Variants in PRKAG2 observed in about 807,000 individuals in gnomAD.
The protein encoded by PRKAG2 is protein kinase AMP-activated non-catalytic subunit gamma 2, also known as 5'-AMP-activated protein kinase subunit gamma-2.
Under a neutral mutation model 69.6 loss-of-function variants are expected in PRKAG2, and 26 were observed. The observed-to-expected ratio is 0.37, with a 90% CI of 0.27 to 0.52. PRKAG2 has a LOEUF of 0.52. Among genes scored for constraint, PRKAG2 ranks in the 20% least tolerant of loss-of-function variants. The probability of loss-of-function intolerance (pLI) is 0.90; values close to 1 mark genes in which losing one functional copy is unlikely to be tolerated. For missense variants in PRKAG2, 557 were observed against 740.0 expected, an observed-to-expected ratio of 0.75 and a Z score of 2.87; for synonymous variants, 293 against 285.0, an observed-to-expected ratio of 1.03 and a Z score of -0.28.
chr7:151,771,694 T>C lies in PRKAG2; in HGVS notation c.466+9458A>G, dbSNP rs1183673495. ...ATTAGTCCTCCATCAATTCATCATC[T>C]CCTTCTGGTCTAGCACGTGTTTTTC... On this transcript the variant is annotated intron_variant, in intron 3 of 15. Transcript: ENST00000287878. The surrounding 1 kb of genome is among the most constrained non-coding windows in gnomAD (Gnocchi z 4.0). 5.9e-5 allele frequency among the ~76,000 whole-genome samples: 9 copies of C among 152,228 alleles called. No individual in the cohort carries two copies. The highest frequency in any genetic ancestry group is 1.9e-4 in the African/African-American group (8 of 41,454).
chr7:151,560,424 G>T (rs1199848158), intron 15 of PRKAG2, 100 bp downstream of exon 15: 1 of 1,609,326 alleles, frequency 6.2e-7, no homozygotes, highest in Non-Finnish European at 8.5e-7. Context: ...GCCTTGATCT[G>T]TAGGTGGGTG....
chr7:151,627,763 G>A (rs1486439055), intron 5 of PRKAG2, among the ~76,000 whole-genome samples: 1 of 152,148 alleles, frequency 6.6e-6, no homozygotes, highest in Admixed American at 6.5e-5. Flanking sequence ...CATGCGCTCG[G>A]GTGATCCTCC....
At chr7:151,689,116 C>G (rs1275400049) in intron 3 of PRKAG2, among the ~76,000 whole-genome samples, 1 of 152,236 alleles carries the variant, frequency 6.6e-6, no homozygotes, top group Admixed American at 6.5e-5. Flanking sequence ...AGAGCATAGT[C>G]GTTTTTAAAA....
chr7:151,842,983 T>C, intron 1 of PRKAG2, among the ~76,000 whole-genome samples: 1 of 152,038 alleles, frequency 6.6e-6, no homozygotes, highest in Middle Eastern at 3.2e-3. Flanking sequence ...AGGCTCCATC[T>C]GAGTTCAAGA....
intron 4 of PRKAG2, among the ~76,000 whole-genome samples, chr7:151,655,123 T>G (rs1384357793): frequency 1.3e-5 from 2 of 152,222 alleles, no homozygotes; most frequent in African/African-American, 4.8e-5. Flanking sequence ...TTTTTTTACT[T>G]GTTATTTCTT....
At chr7:151,820,433 A>AC (rs1422037230) in intron 1 of PRKAG2, among the ~76,000 whole-genome samples, 9 of 128,610 alleles carry the variant, frequency 7.0e-5, no homozygotes, top group African/African-American at 2.8e-4. Context: ...CTCTACTCGG[A>AC]ACACCGCTCC....
At chr7:151,573,112 C>CA (rs545715791) in intron 8 of PRKAG2, among the ~76,000 whole-genome samples, 257 of 144,078 alleles carry the variant, frequency 1.8e-3, no homozygotes, top group Non-Finnish European at 3.0e-3. Context: ...GACTCTGTCT[C>CA]AAAAAAAAGA....
chr7:151,565,937 T>C (rs368950596), intron 11 of PRKAG2, 52 bp from the exon 12 acceptor site: 1,674 of 1,556,544 alleles, frequency 1.1e-3, no homozygotes, highest in Non-Finnish European at 1.4e-3. Context: ...ACTCTTGTCA[T>C]GTTCAAAGGT....
intron 5 of PRKAG2, among the ~76,000 whole-genome samples, chr7:151,624,501 TC>T (rs929928985): frequency 3.9e-5 from 6 of 152,098 alleles, no homozygotes; most frequent in African/African-American, 1.4e-4. Flanking sequence ...GCCAAAAGGT[TC>T]CCAGACTAGT....
chr7:151,721,921 C>T (rs1462982619), intron 3 of PRKAG2, among the ~76,000 whole-genome samples: 2 of 152,126 alleles, frequency 1.3e-5, no homozygotes, highest in Non-Finnish European at 2.9e-5. Context: ...AACCCTGCTA[C>T]TCCCTCGAGG....
chr7:151,763,949 C>A (rs1357232372), intron 3 of PRKAG2, among the ~76,000 whole-genome samples: 1 of 152,246 alleles, frequency 6.6e-6, no homozygotes, highest in Non-Finnish European at 1.5e-5. Context: ...TCACTGCTTT[C>A]CTCCTTGTGC....
rs538481634 is a variant in PRKAG2 at position 151,700,970 on chromosome 7, AGAG to A, written c.467-25336_467-25334del. ...GGCATTTCCACACAGGCGAGACCACAGAGCATTATGCAGCCTTGATGTGCCAAC... is the reference window on the plus strand; with the variant it reads ...GGCATTTCCACACAGGCGAGACCACACATTATGCAGCCTTGATGTGCCAAC... On this transcript the variant is annotated intron_variant, in intron 3 of 15. Coordinates refer to ENST00000287878, the MANE Select transcript of PRKAG2 (RefSeq NM_016203.4). 2.8e-3 allele frequency among the ~76,000 whole-genome samples: 426 copies of A among 152,356 alleles called. 2 individuals are homozygous for A. The highest frequency in any genetic ancestry group is 9.6e-3 in the African/African-American group (401 of 41,588).
rs1362599158 is a variant in PRKAG2 at position 151,850,419 on chromosome 7, A to G, written c.114+26088T>C. 6.6e-6 allele frequency among the ~76,000 whole-genome samples: 1 copy of G among 152,230 alleles called. No individual in the cohort carries two copies. The highest frequency in any genetic ancestry group is 1.5e-5 in the Non-Finnish European group (1 of 68,044). On this transcript the variant is annotated intron_variant, in intron 1 of 15. Coordinates refer to ENST00000287878, the MANE Select transcript of PRKAG2 (RefSeq NM_016203.4). The surrounding 1 kb of genome is among the most constrained non-coding windows in gnomAD (Gnocchi z 4.1). Reference sequence around the variant, plus strand: ...TCTTAGAAAGGAAGAAATGAACAGGAGGCAGAAGGGCAACCTGTCCCATGC... The same window carrying G: ...TCTTAGAAAGGAAGAAATGAACAGGGGGCAGAAGGGCAACCTGTCCCATGC...
intron 1 of PRKAG2, among the ~76,000 whole-genome samples, chr7:151,845,854 C>T (rs2079418458): frequency 6.6e-6 from 1 of 152,340 alleles, no homozygotes; most frequent in African/African-American, 2.4e-5. Flanking sequence ...TTGCCATTAG[C>T]CCCAGAGTCT....
At chr7:151,563,780 T>C (rs2150987255) in intron 14 of PRKAG2, among the ~76,000 whole-genome samples, 1 of 152,334 alleles carries the variant, frequency 6.6e-6, no homozygotes, top group South Asian at 2.1e-4. Flanking sequence ...CAAGGTCTTA[T>C]TATGTCGTCC....
chr7:151,866,178 G>A (rs947806550), intron 1 of PRKAG2, among the ~76,000 whole-genome samples: 1 of 152,190 alleles, frequency 6.6e-6, no homozygotes, highest in Non-Finnish European at 1.5e-5. Flanking sequence ...CCGAAGGGAG[G>A]CAGCAGACGC....
intron 1 of PRKAG2, among the ~76,000 whole-genome samples, chr7:151,826,731 C>T (rs1434024760): frequency 6.6e-6 from 1 of 152,258 alleles, no homozygotes; most frequent in Non-Finnish European, 1.5e-5. Flanking sequence ...ACGGAGCCCT[C>T]TTCCAACATT....
At chr7:151,748,657 T>C (rs1017634869) in intron 3 of PRKAG2, among the ~76,000 whole-genome samples, 1 of 152,104 alleles carries the variant, frequency 6.6e-6, no homozygotes, top group African/African-American at 2.4e-5. Flanking sequence ...AAAATTAAAA[T>C]GTAAAGGGGA....
At chr7:151,640,205 G>A (rs1312999114) in intron 4 of PRKAG2, among the ~76,000 whole-genome samples, 2 of 152,160 alleles carry the variant, frequency 1.3e-5, no homozygotes, top group Admixed American at 6.5e-5. Context: ...AGCTACTTGG[G>A]AGGCTGAGAC....
Sources: allele counts gnomAD v4.1 joint callset (sites outside exome capture counted in the v4.1 genomes callset), GRCh38; gene constraint gnomAD v4.1.1; non-coding constraint Gnocchi (gnomAD v3.1); transcripts MANE v1.5; gene names NCBI Gene and HGNC (gene_info 2026-07-23, HGNC 2026-07-21).